The following PPP2R3A variants were observed in gnomAD, a reference collection of about 807,000 sequenced individuals.
PPP2R3A encodes serine/threonine-protein phosphatase 2A regulatory subunit B'' subunit alpha.
PPP2R3A carries 80 observed loss-of-function variants against 106.9 expected under a neutral mutation model. The observed-to-expected ratio is 0.75, with a 90% CI of 0.62 to 0.90. PPP2R3A has a LOEUF of 0.90. Ranked by LOEUF, PPP2R3A falls within the 40% of genes least tolerant of loss-of-function variation. The probability of loss-of-function intolerance (pLI) is 0.00; values close to 1 mark genes in which losing one functional copy is unlikely to be tolerated. For missense variants in PPP2R3A, 1,386 were observed against 1,350.4 expected, an observed-to-expected ratio of 1.03 and a Z score of -0.41; for synonymous variants, 483 against 468.3, an observed-to-expected ratio of 1.03 and a Z score of -0.41.
chr3:135,967,717 A>C (rs1325878537), intron 1 of PPP2R3A, among the ~76,000 whole-genome samples: 2 of 152,084 alleles, frequency 1.3e-5, no homozygotes, highest in Admixed American at 6.6e-5. Flanking sequence ...GCTTTGCTTG[A>C]CACCCCCCAT....
chr3:136,089,177 T>C (rs1206451826), intron 9 of PPP2R3A, among the ~76,000 whole-genome samples: 1 of 152,106 alleles, frequency 6.6e-6, no homozygotes, highest in African/African-American at 2.4e-5. Flanking sequence ...TCAAGAAGGG[T>C]ATTTCCTAGG....
rs1937515423 is a variant in PPP2R3A, at chr3:136,106,293, G to A, written c.3300G>A (p.Glu1100=). The A allele has an allele frequency of 3.1e-6, 5 of 1,613,740 alleles. No individual in the cohort carries two copies. The Admixed American group carries it at 8.3e-5, about 27-fold the overall frequency. The change falls in exon 13 of 14, where the codon GAG becomes GAA. Residue 1100 remains glutamate (E), a synonymous_variant. Transcript: ENST00000264977. ...AAEEYETLVA[E]ESAQAQFQEG... The stretch of plus-strand genomic sequence containing the variant: ...AGGAGTATGAGACGCTTGTTGCAGA[G>A]GAATCTGCCCAAGCACAATTCCAGG...
Position 136,102,075 on chromosome 3 carries a change from A to T in PPP2R3A, c.2996A>T (p.Tyr999Phe), listed in dbSNP as rs761160382. The T allele has an allele frequency of 6.2e-7, 1 of 1,614,076 alleles. No homozygotes were observed. Among genetic ancestry groups the T allele is most frequent in the Non-Finnish European group, 8.5e-7 (1 of 1,179,986 alleles). Residue 999 changes from tyrosine (Y) to phenylalanine (F), a missense_variant, in exon 11 of 14, where the codon TAC (tyrosine) becomes TTC (phenylalanine). Tyr to Phe is a conservative substitution (Grantham distance 22). Transcript: ENST00000264977. ...DGVLSMYELE[Y>F]FYEEQCERME... ...GTACTCTCCATGTATGAGCTGGAGT[A>T]CTTCTATGAGGAGCAGTGTGAACGG...
chr3:136,003,977 T>C (rs2107792614), intron 2 of PPP2R3A, among the ~76,000 whole-genome samples: 1 of 152,296 alleles, frequency 6.6e-6, no homozygotes, highest in South Asian at 2.1e-4. Context: ...AAGACATGAT[T>C]CTTTAAGAGC....
At chr3:136,095,681 G>A (rs1279687113) in intron 10 of PPP2R3A, among the ~76,000 whole-genome samples, 1 of 152,072 alleles carries the variant, frequency 6.6e-6, no homozygotes, top group Admixed American at 6.6e-5. Flanking sequence ...ATTGCTTGTT[G>A]CTTAAGAGAA....
chr3:135,972,987 G>A (rs985233993), intron 1 of PPP2R3A, among the ~76,000 whole-genome samples: 1 of 152,072 alleles, frequency 6.6e-6, no homozygotes, highest in Non-Finnish European at 1.5e-5. Context: ...TATGCTTTTG[G>A]CATTATATCT....
intron 4 of PPP2R3A, among the ~76,000 whole-genome samples, chr3:136,047,148 C>A (rs184173146): frequency 3.7e-4 from 56 of 152,310 alleles, no homozygotes; most frequent in African/African-American, 1.2e-3. Context: ...CGAGAGTACG[C>A]AACTTGGAAA....
chr3:136,022,242 T>C (rs1226936372), intron 2 of PPP2R3A, among the ~76,000 whole-genome samples: 1 of 152,200 alleles, frequency 6.6e-6, no homozygotes, highest in Non-Finnish European at 1.5e-5. Context: ...CTAAAACTTT[T>C]CTATGGCATT....
chr3:136,050,386 T>C (rs1241127524), intron 5 of PPP2R3A, among the ~76,000 whole-genome samples: 1 of 152,226 alleles, frequency 6.6e-6, no homozygotes, highest in Non-Finnish European at 1.5e-5. Context: ...GGTTGGCGGA[T>C]ATTTTTAACC....
chr3:136,019,626 TC>T (rs1934395709), intron 2 of PPP2R3A, among the ~76,000 whole-genome samples: 1 of 152,186 alleles, frequency 6.6e-6, no homozygotes, highest in Admixed American at 6.5e-5. Context: ...TAACTCGTGT[TC>T]TCAGATCCTC....
At position 136,002,557 on chromosome 3, in the gene PPP2R3A, G is replaced by A. The variant is rs1933674419; in HGVS notation, c.1059G>A (p.Leu353=). Residue 353 remains leucine, a synonymous_variant, in exon 2 of 14, where the codon TTG becomes TTA. Transcript: ENST00000264977. The part of the protein sequence containing the change: ...SDSGRFQTIE[L]QNDKPNSRKM... ...CTGGACGATTTCAAACTATTGAATT[G>A]CAAAATGACAAGCCTAATTCTAGGA... The A allele has an allele frequency of 4.3e-6, 7 of 1,613,706 alleles. No individual in the cohort carries two copies. The highest frequency in any genetic ancestry group is 5.9e-6 in the Non-Finnish European group (7 of 1,179,852).
intron 13 of PPP2R3A, among the ~76,000 whole-genome samples, chr3:136,138,961 T>C (rs972359696): frequency 5.9e-5 from 9 of 151,980 alleles, no homozygotes; most frequent in Non-Finnish European, 7.4e-5. Flanking sequence ...TCTGCCCACA[T>C]TGGCCTCCCC....
At position 136,138,695 on chromosome 3, in the gene PPP2R3A, A is replaced by ATTTTTTTTTTTT. The variant is rs747811648; in HGVS notation, c.3330-6324_3330-6313dup. On this transcript the variant is annotated intron_variant, in intron 13 of 13. Coordinates refer to ENST00000264977, the MANE Select transcript of PPP2R3A (RefSeq NM_002718.5). ...AGACTCCAAACTAGAGAAATATTGAATTTTTTTTTTTTTTTTTTTTTTTTT... is the reference window on the plus strand; with the variant it reads ...AGACTCCAAACTAGAGAAATATTGAATTTTTTTTTTTTTTTTTTTTTTTTTTTTTTTTTTTTT... 6.3e-4 allele frequency among the ~76,000 whole-genome samples: 32 copies of ATTTTTTTTTTTT among 50,638 alleles called. 4 individuals are homozygous for ATTTTTTTTTTTT. The highest frequency in any genetic ancestry group is 1.2e-3 in the African/African-American group (13 of 10,850). The allele number at this position is 50,638 out of a possible 152,430, so 33.2% of individuals were successfully genotyped here.
At chr3:136,067,932 A>T (rs1262729524) in intron 5 of PPP2R3A, among the ~76,000 whole-genome samples, 2 of 152,232 alleles carry the variant, frequency 1.3e-5, no homozygotes, top group African/African-American at 2.4e-5. Context: ...ACACAGGGGC[A>T]TATCAAGAGA....
intron 5 of PPP2R3A, among the ~76,000 whole-genome samples, chr3:136,049,690 T>C (rs747359860): frequency 1.3e-5 from 2 of 152,118 alleles, no homozygotes; most frequent in Non-Finnish European, 2.9e-5. Flanking sequence ...TCTGAAATGA[T>C]AGAATGCAAG....
chr3:136,007,481 CTT>C (rs1553742370), intron 2 of PPP2R3A, among the ~76,000 whole-genome samples: 1 of 152,058 alleles, frequency 6.6e-6, no homozygotes, highest in Non-Finnish European at 1.5e-5. Context: ...ACCTCTAAGT[CTT>C]TTAATTCCTC....
chr3:136,147,000 A>C lies in PPP2R3A; in HGVS notation c.*1834A>C, dbSNP rs1412751624. On this transcript the variant is annotated 3_prime_UTR_variant, in exon 14 of 14. Coordinates refer to ENST00000264977, the MANE Select transcript of PPP2R3A (RefSeq NM_002718.5). The stretch of plus-strand genomic sequence containing the variant: ...ACAATATACATTTTTTTTTTTAACT[A>C]TTTGGCTTTACCTTTTTACCTTGGT... The C allele has an allele frequency of 6.6e-6, 1 of 151,362 alleles. No individual in the cohort carries two copies. The highest frequency in any genetic ancestry group is 2.4e-5 in the African/African-American group (1 of 41,168). The allele number at this position is 151,362 out of a possible 1,614,324, so 9.4% of individuals were successfully genotyped here.
intron 9 of PPP2R3A, among the ~76,000 whole-genome samples, chr3:136,089,160 G>T (rs1469406934): frequency 6.6e-6 from 1 of 152,082 alleles, no homozygotes; most frequent in Non-Finnish European, 1.5e-5. Context: ...ATTTGCCTAG[G>T]CTAATGTCAA....
At chr3:136,129,394 T>G (rs1054549580) in intron 13 of PPP2R3A, among the ~76,000 whole-genome samples, 8 of 152,250 alleles carry the variant, frequency 5.3e-5, no homozygotes, top group South Asian at 2.1e-4. Context: ...AACACCTCTA[T>G]GCAAATAAAC....
Sources: gnomAD v4.1 joint callset for allele counts (sites outside exome capture counted in the v4.1 genomes callset) on GRCh38, gnomAD v4.1.1 for gene constraint, MANE v1.5 for transcripts, NCBI Gene and HGNC (gene_info 2026-07-23, HGNC 2026-07-21) for gene names.